ARHGEF12: variants seen among roughly 807,000 people sequenced by gnomAD.
ARHGEF12 encodes the protein Rho guanine nucleotide exchange factor 12.
ARHGEF12 carries 66 observed loss-of-function variants against 211.2 expected under a neutral mutation model. The ratio of observed to expected loss-of-function variants is 0.31; its 90% confidence interval spans 0.26 to 0.38. The LOEUF is 0.38. Among genes scored for constraint, ARHGEF12 ranks in the 10% least tolerant of loss-of-function variants. The pLI, the probability that ARHGEF12 is intolerant of heterozygous loss-of-function variation, is 1.00. For missense variants in ARHGEF12, 1,429 were observed against 1,869.5 expected (o/e 0.76, Z 4.34); for synonymous variants, 592 against 638.4 (o/e 0.93, Z 1.09).
rs560400762 is a variant in ARHGEF12, at chr11:120,485,339, A to G, written c.*262A>G. ...TCGGAAATTCATTTTGATTCAGAAT[A>G]AAAACCAAATGTATAGAGCTTTGGG... On this transcript the variant is annotated 3_prime_UTR_variant, in exon 41 of 41. Transcript: ENST00000397843. 4 of 418,900 alleles carry G rather than the reference A, an allele frequency of 9.5e-6. No homozygotes were observed. The highest frequency in any genetic ancestry group is 6.2e-4 in the Middle Eastern group (1 of 1,610). The allele number at this position is 418,900 out of a possible 1,614,324, so 25.9% of individuals were successfully genotyped here.
intron 4 of ARHGEF12, chr11:120,409,938 C>T (rs1242103062): frequency 6.6e-6 from 1 of 152,046 alleles, no homozygotes; most frequent in Non-Finnish European, 1.5e-5. Context: ...TTTTAATTGC[C>T]TCGTCATGTG....
intron 30 of ARHGEF12, among the ~76,000 whole-genome samples, chr11:120,469,599 TTTGC>T (rs1220652364): frequency 1.3e-5 from 2 of 152,196 alleles, no homozygotes; most frequent in African/African-American, 4.8e-5. Flanking sequence ...AAGCTGCTTG[TTTGC>T]TCTTTCATTT....
In ARHGEF12 at chr11:120,339,673, T is replaced by C. The variant is rs1413184673; in HGVS notation, c.32+2398T>C. 2.0e-5 allele frequency among the ~76,000 whole-genome samples: 3 copies of C among 152,226 alleles called. No homozygotes were observed. In the East Asian group the frequency reaches 5.8e-4, roughly 29 times the overall value. On this transcript the variant is annotated intron_variant, in intron 1 of 40. Coordinates refer to ENST00000397843, the MANE Select transcript of ARHGEF12 (RefSeq NM_015313.3). ...GACTACAGAGTCTGTCTGTCCTCAG[T>C]TGAAATCAGACTAGCTGGTTTTGGG...
chr11:120,440,019 G>T (rs1291369795), intron 12 of ARHGEF12, 110 bp from the exon 13 acceptor site: 3 of 775,518 alleles, frequency 3.9e-6, no homozygotes, highest in African/African-American at 1.8e-5. Flanking sequence ...TAAACAAAAA[G>T]AAATCTCACC....
chr11:120,437,700 A>G lies in ARHGEF12; in HGVS notation c.999+318A>G, dbSNP rs144091209. ...CTGCCAACCATCTTCTCCAACTGCA[A>G]TTTGGTACCCGGTAAACACTAAGTC... On this transcript the variant is annotated intron_variant, in intron 12 of 40. Transcript: ENST00000397843. 2.7e-3 allele frequency among the ~76,000 whole-genome samples: 410 copies of G among 152,162 alleles called. 7 individuals are homozygous for G. The highest frequency in any genetic ancestry group is 0.02 in the Admixed American group (304 of 15,276).
intron 11 of ARHGEF12, among the ~76,000 whole-genome samples, chr11:120,436,666 A>G (rs1945703403): frequency 6.6e-6 from 1 of 152,230 alleles, no homozygotes; most frequent in Non-Finnish European, 1.5e-5. Flanking sequence ...TAGACAATAC[A>G]GTATAACAAC....
chr11:120,420,813 G>T lies in ARHGEF12; in HGVS notation c.260G>T (p.Ser87Ile), dbSNP rs1431095752. Residue 87 changes from serine to isoleucine, a missense_variant, in exon 5 of 41, where the codon AGT becomes ATT. Physicochemically the swap from Ser to Ile is moderately radical, Grantham distance 142. Coordinates refer to ENST00000397843, the MANE Select transcript of ARHGEF12 (RefSeq NM_015313.3). The part of the protein sequence containing the change: ...KDDNGFGLTV[S>I]GDNPVFVQSV... ...GACAATGGATTTGGGCTGACGGTCAGTGGAGACAATCCAGTCTTCGTACAG... is the reference window on the plus strand; with the variant it reads ...GACAATGGATTTGGGCTGACGGTCATTGGAGACAATCCAGTCTTCGTACAG... The T allele has an allele frequency of 6.2e-7, 1 of 1,614,114 alleles. No individual in the cohort carries two copies. Among genetic ancestry groups the T allele is most frequent in the Non-Finnish European group, 8.5e-7 (1 of 1,179,994 alleles).
chr11:120,469,515 G>C, intron 30 of ARHGEF12, 127 bp downstream of exon 30: 2 of 786,030 alleles, frequency 2.5e-6, no homozygotes, highest in South Asian at 2.2e-5. Context: ...TTTGTTTACT[G>C]TTCGCATAGT....
chr11:120,344,505 GC>G (rs1363539988), intron 1 of ARHGEF12, among the ~76,000 whole-genome samples: 1 of 152,094 alleles, frequency 6.6e-6, no homozygotes, highest in Non-Finnish European at 1.5e-5. Context: ...GTTGTGGTTT[GC>G]CCAGTACAGT....
chr11:120,473,884 G>A (rs1276961658), intron 31 of ARHGEF12, among the ~76,000 whole-genome samples: 4 of 152,072 alleles, frequency 2.6e-5, no homozygotes, highest in African/African-American at 7.2e-5. Context: ...TAACTTTTTC[G>A]GATTTTAAGT....
chr11:120,442,996 T>C lies in ARHGEF12; in HGVS notation c.1302+794T>C, dbSNP rs573700708. Reference sequence around the variant, plus strand: ...ATACCATACCATGTACTCTACTCTTTCTCCTGATGCTATGGAGTGACTGTC... The same window carrying C: ...ATACCATACCATGTACTCTACTCTTCCTCCTGATGCTATGGAGTGACTGTC... On this transcript the variant is annotated intron_variant, in intron 15 of 40. Coordinates refer to ENST00000397843, the MANE Select transcript of ARHGEF12 (RefSeq NM_015313.3). Among the ~76,000 whole-genome samples, 12 of 151,926 alleles carry C rather than the reference T, an allele frequency of 7.9e-5. No homozygotes were observed. The South Asian group carries it at 2.3e-3, about 29-fold the overall frequency.
rs114610131 is a variant in ARHGEF12, at chr11:120,446,670, A to G, written c.1451+162A>G. ...ATCTGGAGCCAAAGGGTTAGAGTGG[A>G]ACTGAGAGTCCAGACTCTCCATTCC... On this transcript the variant is annotated intron_variant, in intron 17 of 40. Coordinates refer to ENST00000397843, the MANE Select transcript of ARHGEF12 (RefSeq NM_015313.3). 3.7e-3 allele frequency among the ~76,000 whole-genome samples: 566 copies of G among 152,336 alleles called. 1 individual carries two copies. Among genetic ancestry groups the G allele is most frequent in the African/African-American group, 0.013 (548 of 41,580 alleles).
chr11:120,423,460 C>T (rs1431363300), intron 6 of ARHGEF12, among the ~76,000 whole-genome samples: 1 of 152,022 alleles, frequency 6.6e-6, no homozygotes, highest in Non-Finnish European at 1.5e-5. Context: ...GAAATTTGTA[C>T]TGGCTTTATT....
intron 1 of ARHGEF12, among the ~76,000 whole-genome samples, chr11:120,397,570 A>G (rs941858613): frequency 3.3e-5 from 5 of 152,236 alleles, no homozygotes; most frequent in Admixed American, 1.3e-4. Context: ...TTAAATAGCC[A>G]TATCACAGGA....
intron 1 of ARHGEF12, among the ~76,000 whole-genome samples, chr11:120,356,245 G>A (rs575656281): frequency 1.3e-5 from 2 of 152,134 alleles, no homozygotes; most frequent in East Asian, 3.9e-4. Context: ...TTTTGAGACC[G>A]AGTCTTGCTC....
At chr11:120,432,438 T>G (rs1945577062) in intron 11 of ARHGEF12, among the ~76,000 whole-genome samples, 2 of 152,174 alleles carry the variant, frequency 1.3e-5, no homozygotes, top group Non-Finnish European at 2.9e-5. Context: ...ATAAAACATT[T>G]TAAGCTGAAT....
intron 15 of ARHGEF12, among the ~76,000 whole-genome samples, chr11:120,444,512 G>C (rs917078235): frequency 5.9e-5 from 9 of 152,140 alleles, no homozygotes; most frequent in Non-Finnish European, 1.0e-4. Context: ...GCCTGTCAAA[G>C]AGAAAGTTTT....
Position 120,480,073 on chromosome 11 carries a change from G to C in ARHGEF12, c.3880G>C (p.Asp1294His). 1 of 1,614,208 alleles carries C rather than the reference G, an allele frequency of 6.2e-7. No individual in the cohort carries two copies. Residue 1294 changes from aspartate (D) to histidine (H), a missense_variant, in exon 38 of 41, where the codon GAC (aspartate) becomes CAC (histidine). By Grantham distance (81) the Asp-to-His change is moderately conservative. Transcript: ENST00000397843. ...YRTASQGPQT[D>H]SVIQNSENIK... ...AACAGCCTCTCAGGGGCCGCAGACAGACAGTGTCATCCAGAACTCTGAAAA... is the reference window on the plus strand; with the variant it reads ...AACAGCCTCTCAGGGGCCGCAGACACACAGTGTCATCCAGAACTCTGAAAA...
At chr11:120,448,493 C>T in intron 20 of ARHGEF12, 145 bp downstream of exon 20, 1 of 623,838 alleles carries the variant, frequency 1.6e-6, no homozygotes, top group Non-Finnish European at 2.8e-6. Flanking sequence ...TCTCTGTTCT[C>T]AAGAAACTCA....
Sources: allele counts gnomAD v4.1 joint callset (sites outside exome capture counted in the v4.1 genomes callset), GRCh38; gene constraint gnomAD v4.1.1; transcripts MANE v1.5; gene names NCBI Gene and HGNC (gene_info 2026-07-23, HGNC 2026-07-21).